GSN: variants seen among roughly 807,000 people sequenced by gnomAD.
GSN encodes the protein actin-depolymerizing factor.
A neutral mutation model predicts 85.7 loss-of-function variants in GSN; 56 were observed. The ratio of observed to expected loss-of-function variants is 0.65; its 90% CI spans 0.53 to 0.82. The LOEUF (loss-of-function observed/expected upper bound fraction) is 0.82. GSN is among the 40% of genes least tolerant of loss of function. The pLI is 0.00. For synonymous variants in GSN, 373 were observed against 399.1 expected, an observed-to-expected ratio of 0.93 and a Z score of 0.78; for missense variants, 857 against 979.8, an observed-to-expected ratio of 0.87 and a Z score of 1.67.
intron 11 of GSN, among the ~76,000 whole-genome samples, chr9:121,323,665 C>T (rs938952896): frequency 3.3e-5 from 5 of 152,174 alleles, no homozygotes; most frequent in African/African-American, 7.2e-5. Flanking sequence ...CCATCGTGCC[C>T]GGCCCCCACT....
At position 121,331,415 on chromosome 9, in the gene GSN, C is replaced by T. The variant is rs945772493; in HGVS notation, c.1993C>T (p.Gln665Ter). Reference sequence around the variant, plus strand: ...CTTTGTCTGGGTTGGAAAGGATTCTCAAGAAGAAGAAAAGACAGAAGCCTT... The same window carrying T: ...CTTTGTCTGGGTTGGAAAGGATTCTTAAGAAGAAGAAAAGACAGAAGCCTT... ...QVFVWVGKDS[Q>*]EEEKTEALTS... The change falls in exon 17 of 18, where the codon CAA (glutamine) becomes TAA (stop). Residue 665 changes from glutamine to a stop codon, truncating the protein, a stop_gained. Transcript: ENST00000432226. LOFTEE classifies it high-confidence loss of function. The T allele has an allele frequency of 6.2e-7, 1 of 1,607,764 alleles. No individual in the cohort carries two copies. Among genetic ancestry groups the T allele is most frequent in the Non-Finnish European group, 8.5e-7 (1 of 1,176,260 alleles).
At position 121,327,406 on chromosome 9, in the gene GSN, A is replaced by C. The variant is rs768671243; in HGVS notation, c.1686A>C (p.Ala562=). 6.2e-7 allele frequency: 1 copy of C among 1,612,686 alleles called. No homozygotes were observed. The highest frequency in any genetic ancestry group is 2.2e-5 in the East Asian group (1 of 44,864). Residue 562 remains alanine (A), a synonymous_variant, in exon 14 of 18, where the codon GCA becomes GCC. Coordinates refer to ENST00000432226, the MANE Select transcript of GSN (RefSeq NM_198252.3). ...YLWVGTGASE[A]EKTGAQELLR... ...GGGTGGGTACAGGAGCCAGCGAGGCAGAGAAGACGGGGGCCCAGGAGCTGC... is the reference window on the plus strand; with the variant it reads ...GGGTGGGTACAGGAGCCAGCGAGGCCGAGAAGACGGGGGCCCAGGAGCTGC...
chr9:121,262,127 T>C (rs2055099319), intron 6 of GSN, among the ~76,000 whole-genome samples: 1 of 152,220 alleles, frequency 6.6e-6, no homozygotes, highest in Non-Finnish European at 1.5e-5. Context: ...ATATGAAGTG[T>C]ACAGAGAGGG....
chr9:121,249,041 G>T (rs943255189), intron 6 of GSN, among the ~76,000 whole-genome samples: 4 of 152,194 alleles, frequency 2.6e-5, no homozygotes, highest in Admixed American at 6.5e-5. Context: ...TGACAATCTA[G>T]ATGTAAGATG....
chr9:121,321,349 A>T lies in GSN; in HGVS notation c.1273A>T (p.Ile425Phe), dbSNP rs2062420625. The change falls in exon 11 of 18, where the codon ATT (isoleucine) becomes TTT (phenylalanine). Residue 425 changes from isoleucine to phenylalanine, a missense_variant. Ile to Phe is a conservative substitution (Grantham distance 21). Coordinates refer to ENST00000432226, the MANE Select transcript of GSN (RefSeq NM_198252.3). ...GTTCTATGGAGGCGACAGCTACATC[A>T]TTCTGTACAACTACCGCCATGGTGG... ...GQFYGGDSYI[I>F]LYNYRHGGRQ... 6.2e-7 allele frequency: 1 copy of T among 1,613,926 alleles called. No individual in the cohort carries two copies. The highest frequency in any genetic ancestry group is 1.7e-5 in the Admixed American group (1 of 60,012).
At chr9:121,244,598 G>A (rs1481152383) in intron 5 of GSN, among the ~76,000 whole-genome samples, 1 of 152,216 alleles carries the variant, frequency 6.6e-6, no homozygotes, top group Non-Finnish European at 1.5e-5. Context: ...CAAATATGCA[G>A]TAGCAAAAAT....
intron 5 of GSN, among the ~76,000 whole-genome samples, chr9:121,245,804 A>G (rs1318029702): frequency 6.6e-6 from 1 of 152,188 alleles, no homozygotes; most frequent in East Asian, 1.9e-4. Flanking sequence ...TGCAGAGGCT[A>G]TTCACAGGTG....
At chr9:121,310,616 C>A in intron 4 of GSN, 68 bp from the exon 5 acceptor site, 3 of 1,485,498 alleles carry the variant, frequency 2.0e-6, no homozygotes, top group Non-Finnish European at 2.8e-6. Flanking sequence ...TCAATTCTGT[C>A]CCCTTCTTCC....
At chr9:121,277,214 A>G (rs965757964) in intron 1 of GSN, among the ~76,000 whole-genome samples, 2 of 152,252 alleles carry the variant, frequency 1.3e-5, no homozygotes, top group African/African-American at 4.8e-5. Flanking sequence ...CAGAGACTTA[A>G]TACCATGACA....
At chr9:121,248,836 G>A (rs2054755504) in intron 6 of GSN, among the ~76,000 whole-genome samples, 1 of 152,176 alleles carries the variant, frequency 6.6e-6, no homozygotes, top group Non-Finnish European at 1.5e-5. Flanking sequence ...GCGAGTAGGT[G>A]AGGCTGGTGC....
chr9:121,324,275 G>C (rs1037104678), intron 11 of GSN, among the ~76,000 whole-genome samples: 7 of 152,206 alleles, frequency 4.6e-5, no homozygotes, highest in African/African-American at 1.7e-4. Context: ...CTCTGTGGCT[G>C]TTCAGCATGG....
At chr9:121,251,541 C>A (rs1486741857) in intron 6 of GSN, among the ~76,000 whole-genome samples, 1 of 151,810 alleles carries the variant, frequency 6.6e-6, no homozygotes, top group Non-Finnish European at 1.5e-5. Context: ...TTTTTAAAAT[C>A]ATCATTCTAA....
intron 7 of GSN, 92 bp downstream of exon 7, chr9:121,314,115 G>A (rs1002202392): frequency 1.0e-6 from 1 of 998,582 alleles, no homozygotes; most frequent in Admixed American, 1.8e-5. Context: ...ATGGGACCTT[G>A]AGCAAAGCAC....
At chr9:121,263,586 C>A (rs1028723498), upstream of GSN, among the ~76,000 whole-genome samples, 5 of 152,022 alleles carry the variant, frequency 3.3e-5, no homozygotes, top group African/African-American at 1.2e-4. Context: ...AACTGCCAAA[C>A]ACTCCTAAAA....
At chr9:121,324,464 G>A (rs780626893) in intron 11 of GSN, 90 bp from the exon 12 acceptor site, 20 of 721,272 alleles carry the variant, frequency 2.8e-5, no homozygotes, top group Non-Finnish European at 4.3e-5. Context: ...ACTGGTAACA[G>A]GGAGATGTGT....
At chr9:121,301,707 C>T (rs749802939) in intron 2 of GSN, among the ~76,000 whole-genome samples, 1 of 151,762 alleles carries the variant, frequency 6.6e-6, no homozygotes, top group Non-Finnish European at 1.5e-5. Flanking sequence ...CCTCCATCAC[C>T]AGAAAAAGCT....
chr9:121,212,942 C>CCTGGCT (rs1304533136), intron 4 of GSN, among the ~76,000 whole-genome samples: 1 of 152,148 alleles, frequency 6.6e-6, no homozygotes, highest in Non-Finnish European at 1.5e-5. Context: ...AGCCACTGCA[C>CCTGGCT]CTGGCTCTTG....
intron 4 of GSN, among the ~76,000 whole-genome samples, chr9:121,229,267 C>G (rs895215995): frequency 5.3e-5 from 8 of 152,188 alleles, no homozygotes; most frequent in Admixed American, 6.5e-5. Context: ...GTCGCCCAGG[C>G]TGGAGTACAG....
chr9:121,299,870 G>A lies in GSN; in HGVS notation c.-9-2093G>A. On this transcript the variant is annotated intron_variant, in intron 2 of 17. Coordinates refer to ENST00000432226, the MANE Select transcript of GSN (RefSeq NM_198252.3). This position sits in a 1 kb window ranked among gnomAD's most constrained non-coding sequence, Gnocchi z 4.2. ...CTGCCGCTGTCGCCACCATGGCTCCGCACCGCCCCGCGCCCGCGCTGCTTT... is the reference window on the plus strand; with the variant it reads ...CTGCCGCTGTCGCCACCATGGCTCCACACCGCCCCGCGCCCGCGCTGCTTT... 3 of 1,331,442 alleles carry A rather than the reference G, an allele frequency of 2.3e-6. No individual in the cohort carries two copies. Among genetic ancestry groups the A allele is most frequent in the South Asian group, 1.8e-5 (1 of 54,832 alleles). The allele number at this position is 1,331,442 out of a possible 1,614,324, so 82.5% of individuals were successfully genotyped here.
Sources: gnomAD v4.1 joint callset for allele counts (sites outside exome capture counted in the v4.1 genomes callset) on GRCh38, gnomAD v4.1.1 for gene constraint, Gnocchi (gnomAD v3.1) non-coding constraint, MANE v1.5 for transcripts, NCBI Gene and HGNC (gene_info 2026-07-23, HGNC 2026-07-21) for gene names.